Variants in MCTP2 observed in about 807,000 individuals in gnomAD.
MCTP2 encodes multiple C2 and transmembrane domain containing 2.
Under a neutral mutation model 111.6 loss-of-function variants are expected in MCTP2, and 132 were observed. The observed-to-expected ratio is 1.18, with a 90% CI of 1.03 to 1.37. MCTP2 has a LOEUF of 1.37. Ranked by LOEUF, MCTP2 falls within the 40% of genes most tolerant of loss-of-function variation. The pLI is 0.00. For missense variants in MCTP2, 1,183 were observed against 1,067.9 expected, an observed-to-expected ratio of 1.11 and a Z score of -1.50; for synonymous variants, 395 against 387.7, an observed-to-expected ratio of 1.02 and a Z score of -0.22.
chr15:94,472,110 G>T (rs144152171), intron 21 of MCTP2, among the ~76,000 whole-genome samples: 1 of 152,350 alleles, frequency 6.6e-6, no homozygotes, highest in Admixed American at 6.5e-5. Flanking sequence ...GGGTGCAGTG[G>T]CTCACGCCTG....
At chr15:94,434,818 A>G (rs1281792726) in intron 17 of MCTP2, among the ~76,000 whole-genome samples, 2 of 148,782 alleles carry the variant, frequency 1.3e-5, no homozygotes, top group Non-Finnish European at 3.0e-5. Context: ...TGCTTTGACT[A>G]TTGCATGCCA....
chr15:94,270,956 G>A (rs542495610), intron 1 of MCTP2, among the ~76,000 whole-genome samples: 5 of 152,256 alleles, frequency 3.3e-5, no homozygotes, highest in East Asian at 3.9e-4. Flanking sequence ...ATATCCCATC[G>A]TTACTTAGGT....
chr15:94,394,926 G>A (rs1024569209), intron 14 of MCTP2, among the ~76,000 whole-genome samples: 4 of 152,152 alleles, frequency 2.6e-5, no homozygotes, highest in Admixed American at 1.3e-4. Context: ...TGAATGGATT[G>A]TCTCAAAAAG....
chr15:94,328,366 G>C (rs879598230), intron 4 of MCTP2, among the ~76,000 whole-genome samples: 6 of 151,908 alleles, frequency 3.9e-5, no homozygotes, highest in Non-Finnish European at 8.8e-5. Flanking sequence ...CTGACCTCGT[G>C]ATCCACCCGC....
At chr15:94,310,011 A>G (rs887575603) in intron 2 of MCTP2, among the ~76,000 whole-genome samples, 44 of 152,330 alleles carry the variant, frequency 2.9e-4, no homozygotes, top group African/African-American at 1.0e-3. Context: ...TAGCTTTGAC[A>G]ATATTTAAAA....
chr15:94,424,309 G>GT (rs745424841), intron 17 of MCTP2, among the ~76,000 whole-genome samples: 1 of 150,096 alleles, frequency 6.7e-6, no homozygotes, highest in South Asian at 2.1e-4. Flanking sequence ...TTTTCATTTT[G>GT]TTTTTTGGGT....
intron 1 of MCTP2, among the ~76,000 whole-genome samples, chr15:94,260,916 T>C (rs1409073166): frequency 6.6e-6 from 1 of 152,198 alleles, no homozygotes; most frequent in Non-Finnish European, 1.5e-5. Context: ...GATAGTTCTT[T>C]AGGTCTGGTA....
chr15:94,237,555 TA>T (rs535760722), intron 1 of MCTP2, among the ~76,000 whole-genome samples: 81 of 152,254 alleles, frequency 5.3e-4, no homozygotes, highest in African/African-American at 1.9e-3. Context: ...TATCATGACT[TA>T]CTTTCCAATC....
At chr15:94,268,738 A>G (rs1043206675) in intron 1 of MCTP2, among the ~76,000 whole-genome samples, 1 of 150,684 alleles carries the variant, frequency 6.6e-6, no homozygotes, top group Non-Finnish European at 1.5e-5. Flanking sequence ...TGCCACTCTT[A>G]TAAGAACTAG....
chr15:94,234,261 A>G (rs1432549398), intron 1 of MCTP2, among the ~76,000 whole-genome samples: 2 of 152,242 alleles, frequency 1.3e-5, no homozygotes, highest in East Asian at 3.8e-4. Context: ...AACAATTTGG[A>G]GACTCTCTTT....
chr15:94,434,193 C>T (rs1383269656), intron 17 of MCTP2, among the ~76,000 whole-genome samples: 1 of 151,880 alleles, frequency 6.6e-6, no homozygotes, highest in Non-Finnish European at 1.5e-5. Context: ...CCTCTAGCCT[C>T]TAGGCTTGAG....
chr15:94,434,854 TTTC>T lies in MCTP2; in HGVS notation c.2086-5319_2086-5317del, dbSNP rs774226840. On this transcript the variant is annotated intron_variant, in intron 17 of 22. Transcript: ENST00000357742. The stretch of plus-strand genomic sequence containing the variant: ...TTTGCATTTTCTCTTTCTTTCTTTC[TTTC>T]TTTTTTTTTTTCTTTTTTTTTTGAT... Among the ~76,000 whole-genome samples, 1,065 of 141,388 alleles carry T rather than the reference TTTC, an allele frequency of 7.5e-3. 10 individuals carry two copies. Among genetic ancestry groups the T allele is most frequent in the African/African-American group, 0.029 (1,021 of 35,748 alleles). 92.8% of individuals were successfully genotyped at this position (141,388 alleles called of 152,430 possible). A position where few individuals can be genotyped will look rare whatever the true frequency, so the allele number is the denominator to read the frequency against.
intron 2 of MCTP2, among the ~76,000 whole-genome samples, chr15:94,306,291 A>T (rs574780157): frequency 2.9e-4 from 44 of 152,370 alleles, no homozygotes; most frequent in Non-Finnish European, 4.6e-4. Flanking sequence ...AGCACCTAAC[A>T]AGTGCTTACT....
At chr15:94,368,279 A>G (rs1309482193) in intron 11 of MCTP2, among the ~76,000 whole-genome samples, 4 of 152,198 alleles carry the variant, frequency 2.6e-5, no homozygotes, top group African/African-American at 9.6e-5. Flanking sequence ...AGTCTGGATG[A>G]TAAGAGCAGT....
At chr15:94,314,217 G>GT (rs1555450495) in intron 2 of MCTP2, 65 bp from the exon 3 acceptor site, 3 of 1,076,076 alleles carry the variant, frequency 2.8e-6, no homozygotes, top group Non-Finnish European at 4.2e-6. Context: ...CTGATAGAGG[G>GT]TATCTTCCTG....
At chr15:94,314,473 C>CA in intron 3 of MCTP2, 129 bp downstream of exon 3, 1 of 679,592 alleles carries the variant, frequency 1.5e-6, no homozygotes, top group Non-Finnish European at 2.5e-6. Flanking sequence ...TATCCACTTA[C>CA]AAAACCAGGC....
In MCTP2 at chr15:94,298,648, C is replaced by T; in HGVS notation, c.383C>T (p.Ala128Val). Residue 128 changes from alanine (A) to valine (V), a missense_variant, in exon 2 of 23, where the codon GCT becomes GTT. By Grantham distance (64) the Ala-to-Val change is moderately conservative (BLOSUM62 0). Transcript: ENST00000357742. ...TDSEEAYASP[A>V]ERRRVSSNGI... ...TCAGAGGAGGCCTATGCCTCTCCTG[C>T]TGAGCGGAGACGGGTGTCCAGCAAC... 1.2e-6 allele frequency: 2 copies of T among 1,614,006 alleles called. No individual in the cohort carries two copies. The highest frequency in any genetic ancestry group is 1.7e-6 in the Non-Finnish European group (2 of 1,179,974).
intron 22 of MCTP2, among the ~76,000 whole-genome samples, chr15:94,478,619 G>A (rs1430912083): frequency 2.0e-5 from 3 of 152,206 alleles, no homozygotes; most frequent in Non-Finnish European, 2.9e-5. Context: ...GTAAGTTGCT[G>A]TATCATATAC....
chr15:94,376,444 G>T (rs2079777757), intron 12 of MCTP2, among the ~76,000 whole-genome samples: 1 of 152,200 alleles, frequency 6.6e-6, no homozygotes, highest in African/African-American at 2.4e-5. Context: ...AGAGACCCAT[G>T]TGTTAATCTC....
Sources: allele counts gnomAD v4.1 joint callset (sites outside exome capture counted in the v4.1 genomes callset), GRCh38; gene constraint gnomAD v4.1.1; transcripts MANE v1.5; gene names NCBI Gene and HGNC (gene_info 2026-07-23, HGNC 2026-07-21).